The following IL17RD variants were observed in gnomAD, a reference collection of about 807,000 sequenced individuals.
IL17RD encodes interleukin 17 receptor D.
A neutral mutation model predicts 80.5 loss-of-function variants in IL17RD; 52 were observed. That is an observed-to-expected ratio of 0.65 (90% CI 0.52 to 0.81). The LOEUF (loss-of-function observed/expected upper bound fraction) is 0.81. Among genes scored for constraint, IL17RD ranks in the 40% least tolerant of loss-of-function variants. The pLI, the probability that IL17RD is intolerant of heterozygous loss-of-function variation, is 0.00. For synonymous variants in IL17RD, 416 were observed against 391.8 expected (o/e 1.06, Z -0.73); for missense variants, 1,024 against 955.1 (o/e 1.07, Z -0.95).
intron 5 of IL17RD, among the ~76,000 whole-genome samples, chr3:57,108,102 C>T (rs973628318): frequency 3.3e-5 from 5 of 151,700 alleles, no homozygotes; most frequent in Admixed American, 6.6e-5. Flanking sequence ...CTCTGTGGCC[C>T]AGGCTGGAGT....
Position 57,114,826 on chromosome 3 carries a change from T to C in IL17RD, c.185-9A>G, listed in dbSNP as rs561177534. ...CAAGTAGGTGGTACAATCTAGAGAGTAGGGAGAATGAGAACAGTTAAATTT... is the reference window on the plus strand; with the variant it reads ...CAAGTAGGTGGTACAATCTAGAGAGCAGGGAGAATGAGAACAGTTAAATTT... On this transcript the variant is annotated splice_polypyrimidine_tract_variant and intron_variant, in intron 2 of 12. Coordinates refer to ENST00000296318, the MANE Select transcript of IL17RD (RefSeq NM_017563.5). 1.6e-5 allele frequency: 25 copies of C among 1,553,276 alleles called. No individual in the cohort carries two copies. In the South Asian group the frequency reaches 1.8e-4, roughly 11 times the overall value.
intron 1 of IL17RD, among the ~76,000 whole-genome samples, chr3:57,136,193 CAG>C (rs1471936293): frequency 6.6e-6 from 1 of 152,112 alleles, no homozygotes; most frequent in African/African-American, 2.4e-5. Context: ...CAACTCTTTC[CAG>C]AGAGTCAGGG....
chr3:57,097,794 G>C lies in IL17RD; in HGVS notation c.1909C>G (p.Leu637Val), dbSNP rs780144197. The C allele has an allele frequency of 6.2e-7, 1 of 1,604,938 alleles. No homozygotes were observed. Among genetic ancestry groups the C allele is most frequent in the African/African-American group, 1.3e-5 (1 of 74,888 alleles). ...LDQDGEARPA[L>V]DGSAALQPLL... ...GGTTGCAGGGCGGCGCTACCGTCAA[G>C]GGCAGGCCGGGCCTCCCCGTCTTGG... The change falls in exon 12 of 13, where the codon CTT becomes GTT. Residue 637 changes from leucine to valine, a missense_variant. Leu to Val is a conservative substitution (Grantham distance 32). Coordinates refer to ENST00000296318, the MANE Select transcript of IL17RD (RefSeq NM_017563.5).
At chr3:57,160,155 G>C (rs2060293992) in intron 1 of IL17RD, among the ~76,000 whole-genome samples, 1 of 152,094 alleles carries the variant, frequency 6.6e-6, no homozygotes, top group African/African-American at 2.4e-5. Context: ...CTGGGCTCCA[G>C]AGCGAAACTC....
At chr3:57,114,913 G>A in intron 2 of IL17RD, 96 bp from the exon 3 acceptor site, 3 of 994,312 alleles carry the variant, frequency 3.0e-6, no homozygotes, top group Middle Eastern at 2.3e-4. Flanking sequence ...TCTGAAGGTG[G>A]CCAAATCCAT....
At position 57,143,615 on chromosome 3, in the gene IL17RD, C is replaced by T. The variant is rs75204576; in HGVS notation, c.126+21546G>A. Among the ~76,000 whole-genome samples the T allele has an allele frequency of 7.4e-3, 1,125 of 152,332 alleles. 15 individuals are homozygous for T. The highest frequency in any genetic ancestry group is 0.025 in the African/African-American group (1,057 of 41,584). On this transcript the variant is annotated intron_variant, in intron 1 of 12. Coordinates refer to ENST00000296318, the MANE Select transcript of IL17RD (RefSeq NM_017563.5). ...CCTAGGCTTCATATGCACCCAAAAA[C>T]GCTGGCCCCACATAAACCACTTTAA...
At chr3:57,154,418 T>TGC (rs79573240) in intron 1 of IL17RD, among the ~76,000 whole-genome samples, 17,316 of 151,928 alleles carry the variant, frequency 0.11, 1,482 homozygotes, top group East Asian at 0.37. Flanking sequence ...TTCGCTGGCC[T>TGC]GCTGCCCCCA....
intron 1 of IL17RD, among the ~76,000 whole-genome samples, chr3:57,151,011 CAT>C (rs1341133037): frequency 3.9e-5 from 6 of 152,226 alleles, no homozygotes; most frequent in Non-Finnish European, 7.3e-5. Flanking sequence ...TTTAATATCA[CAT>C]GTTTATTTAG....
At position 57,165,269 on chromosome 3, in the gene IL17RD, C is replaced by T; in HGVS notation, c.18G>A (p.Gln6=). 1.3e-6 allele frequency: 2 copies of T among 1,511,888 alleles called. No individual in the cohort carries two copies. Among genetic ancestry groups the T allele is most frequent in the East Asian group, 2.8e-5 (1 of 36,058 alleles). The allele number at this position is 1,511,888 out of a possible 1,614,324, so 93.7% of individuals were successfully genotyped here. Residue 6 remains glutamine, a synonymous_variant, in exon 1 of 13, where the codon CAG becomes CAA. Transcript: ENST00000296318. ...TGACCGTAAAGAAGACGGAGCAGAGCTGCAGCCACGGGGCCATGGCCGTGC... is the reference window on the plus strand; with the variant it reads ...TGACCGTAAAGAAGACGGAGCAGAGTTGCAGCCACGGGGCCATGGCCGTGC... MAPWL[Q]LCSVFFTVNA...
chr3:57,113,556 A>G (rs1707144105), intron 3 of IL17RD, among the ~76,000 whole-genome samples: 1 of 152,030 alleles, frequency 6.6e-6, no homozygotes, highest in Non-Finnish European at 1.5e-5. Context: ...TTATAAAGAG[A>G]CAGGGTCTCT....
At chr3:57,154,847 T>C (rs2060256950) in intron 1 of IL17RD, among the ~76,000 whole-genome samples, 1 of 152,144 alleles carries the variant, frequency 6.6e-6, no homozygotes, top group South Asian at 2.1e-4. Context: ...ACAGGAGCTA[T>C]CTTTAGTGAA....
chr3:57,093,665 C>G lies in IL17RD; in HGVS notation c.*2728G>C, dbSNP rs1259405048. Reference sequence around the variant, plus strand: ...CTGGAGATCAATTGCCTCAAAGGCCCAAGACAGCCCTCTGGAGGAGCTTTG... The same window carrying G: ...CTGGAGATCAATTGCCTCAAAGGCCGAAGACAGCCCTCTGGAGGAGCTTTG... On this transcript the variant is annotated 3_prime_UTR_variant, in exon 13 of 13. Transcript: ENST00000296318. The G allele has an allele frequency of 6.6e-6, 1 of 152,204 alleles. No homozygotes were observed. Among genetic ancestry groups the G allele is most frequent in the Non-Finnish European group, 1.5e-5 (1 of 68,060 alleles). 9.4% of individuals were successfully genotyped at this position (152,204 alleles called of 1,614,324 possible).
Position 57,094,870 on chromosome 3 carries a change from C to T in IL17RD, c.*1523G>A, listed in dbSNP as rs1706636250. 6.6e-6 allele frequency: 1 copy of T among 152,640 alleles called. No homozygotes were observed. The highest frequency in any genetic ancestry group is 2.4e-5 in the African/African-American group (1 of 41,444). The allele number at this position is 152,640 out of a possible 1,614,324, so 9.5% of individuals were successfully genotyped here. ...CTGCAAGAAACTTGATGCCAGAGAA[C>T]AGACGAGCACGTTCTTTTCCCAAAA... On this transcript the variant is annotated 3_prime_UTR_variant, in exon 13 of 13. Transcript: ENST00000296318.
In IL17RD at chr3:57,105,552, A is replaced by AAAAAAAAAAAAATATAT; in HGVS notation, c.747+304_747+305insATATATTTTTTTTTTTT. ...ACTCCATCTCAAAAAAAAAAAAAAAAATATATATATATATATATTTGTTCA... is the reference window on the plus strand; with the variant it reads ...ACTCCATCTCAAAAAAAAAAAAAAAAAAAAAAAAAAAATATATATATATATATATATATATTTGTTCA... On this transcript the variant is annotated intron_variant, in intron 7 of 12. Transcript: ENST00000296318. 1.1e-3 allele frequency among the ~76,000 whole-genome samples: 68 copies of AAAAAAAAAAAAATATAT among 63,578 alleles called. 1 individual carries two copies. The highest frequency in any genetic ancestry group is 1.7e-3 in the Admixed American group (9 of 5,150). 41.7% of individuals were successfully genotyped at this position (63,578 alleles called of 152,430 possible).
chr3:57,157,736 C>T (rs1039589032), intron 1 of IL17RD, among the ~76,000 whole-genome samples: 8 of 152,194 alleles, frequency 5.3e-5, no homozygotes, highest in South Asian at 2.1e-4. Context: ...AGAAATCACC[C>T]GGACAGAATA....
At position 57,098,354 on chromosome 3, in the gene IL17RD, A is replaced by G. The variant is rs964510790; in HGVS notation, c.1349T>C (p.Phe450Ser). 6.2e-7 allele frequency: 1 copy of G among 1,614,004 alleles called. No homozygotes were observed. Among genetic ancestry groups the G allele is most frequent in the South Asian group, 1.1e-5 (1 of 91,072 alleles). ...GGRGSGKGEL[F>S]LVAVSAIAEK... ...GGCAATGGCTGACACCGCCACCAGGAAGAGCTCTCCTTTCCCCGAGCCTCG... is the reference window on the plus strand; with the variant it reads ...GGCAATGGCTGACACCGCCACCAGGGAGAGCTCTCCTTTCCCCGAGCCTCG... Residue 450 changes from phenylalanine to serine, a missense_variant, in exon 12 of 13, where the codon TTC becomes TCC. Physicochemically the swap from Phe to Ser is radical, Grantham distance 155. Coordinates refer to ENST00000296318, the MANE Select transcript of IL17RD (RefSeq NM_017563.5).
intron 1 of IL17RD, among the ~76,000 whole-genome samples, chr3:57,129,768 G>A (rs530236272): frequency 1.3e-5 from 2 of 152,346 alleles, no homozygotes; most frequent in African/African-American, 4.8e-5. Context: ...TCTGTCAGCC[G>A]ATTAAGTCTG....
intron 2 of IL17RD, among the ~76,000 whole-genome samples, chr3:57,115,799 T>C (rs1196892256): frequency 6.6e-6 from 1 of 152,146 alleles, no homozygotes; most frequent in Non-Finnish European, 1.5e-5. Context: ...AGATCATCAG[T>C]TCCATCAAAC....
intron 1 of IL17RD, chr3:57,134,685 A>G (rs1308282320): frequency 1.4e-6 from 1 of 719,406 alleles, no homozygotes; most frequent in Non-Finnish European, 2.6e-6. Flanking sequence ...GGAGGAGATC[A>G]TCAAGACTTT....
Sources: gnomAD v4.1 joint callset for allele counts (sites outside exome capture counted in the v4.1 genomes callset) on GRCh38, gnomAD v4.1.1 for gene constraint, MANE v1.5 for transcripts, NCBI Gene and HGNC (gene_info 2026-07-23, HGNC 2026-07-21) for gene names.